Variants in SMCO2 observed in about 807,000 individuals in gnomAD.
SMCO2 encodes single-pass membrane and coiled-coil domain-containing protein 2.
A neutral mutation model predicts 29.5 loss-of-function variants in SMCO2; 25 were observed. The observed-to-expected ratio is 0.85, with a 90% CI of 0.62 to 1.18. The LOEUF (loss-of-function observed/expected upper bound fraction) is 1.18, where lower values mean the gene tolerates loss of function less well. SMCO2 is among the 50% of genes most tolerant of loss of function. The pLI is 0.00. For missense variants in SMCO2, 348 were observed against 344.5 expected (o/e 1.01, Z -0.08); for synonymous variants, 117 against 123.3 (o/e 0.95, Z 0.34).
chr12:27,479,739 C>G (rs1949624493), intron 4 of SMCO2, among the ~76,000 whole-genome samples: 1 of 152,146 alleles, frequency 6.6e-6, no homozygotes, highest in Admixed American at 6.5e-5. Flanking sequence ...AGGGAGTTCC[C>G]CTACACAAGC....
At chr12:27,449,341 G>A in the SMCO2 span, among the ~76,000 whole-genome samples, 72 of 152,274 alleles carry the variant, frequency 4.7e-4, no homozygotes, top group Non-Finnish European at 9.1e-4. Flanking sequence ...GTTTATCTTT[G>A]TAAGGGACAA....
the SMCO2 span, among the ~76,000 whole-genome samples, chr12:27,444,639 A>G: frequency 5.3e-5 from 8 of 152,226 alleles, no homozygotes; most frequent in Non-Finnish European, 8.8e-5. Flanking sequence ...ATGTGATCGT[A>G]TCTGTCACCT....
chr12:27,457,290 T>C, the SMCO2 span, among the ~76,000 whole-genome samples: 1 of 152,206 alleles, frequency 6.6e-6, no homozygotes. Context: ...CTGCTGTCAC[T>C]GTCTTGAAAT....
the SMCO2 span, among the ~76,000 whole-genome samples, chr12:27,427,782 T>C: frequency 6.6e-6 from 1 of 152,096 alleles, no homozygotes; most frequent in South Asian, 2.1e-4. Context: ...ATAGAACCGA[T>C]TTATCAAGAT....
intron 5 of SMCO2, among the ~76,000 whole-genome samples, chr12:27,493,509 G>A (rs1942955340): frequency 6.6e-6 from 1 of 151,592 alleles, no homozygotes; most frequent in African/African-American, 2.4e-5. Flanking sequence ...CTCCAGCCTG[G>A]ATGTCCGAAT....
chr12:27,440,078 G>A, the SMCO2 span, among the ~76,000 whole-genome samples: 1 of 152,110 alleles, frequency 6.6e-6, no homozygotes, highest in Non-Finnish European at 1.5e-5. Context: ...TAAAGACAAA[G>A]TGAAGATCCT....
chr12:27,437,525 T>A, the SMCO2 span, among the ~76,000 whole-genome samples: 1 of 152,198 alleles, frequency 6.6e-6, no homozygotes, highest in South Asian at 2.1e-4. Context: ...AACTCACCTT[T>A]TAAAGGATTT....
intron 4 of SMCO2, among the ~76,000 whole-genome samples, chr12:27,479,583 C>T (rs1354179120): frequency 1.3e-5 from 2 of 152,188 alleles, no homozygotes; most frequent in Non-Finnish European, 2.9e-5. Flanking sequence ...TGTCCCCGCC[C>T]AAATCTCATC....
chr12:27,447,418 G>T, the SMCO2 span, among the ~76,000 whole-genome samples: 151,821 of 152,174 alleles, frequency 1, 75,734 homozygotes, highest in Middle Eastern at 1. Context: ...CTACTAACAG[G>T]GTGATCCATG....
At position 27,491,681 on chromosome 12, in the gene SMCO2, T is replaced by C. The variant is rs116195547; in HGVS notation, c.451-2619T>C. Reference sequence around the variant, plus strand: ...ACATAGGATGTGGTCATTATAAATATATATAATGTATTTTATATATATATA... The same window carrying C: ...ACATAGGATGTGGTCATTATAAATACATATAATGTATTTTATATATATATA... On this transcript the variant is annotated intron_variant, in intron 5 of 7. Coordinates refer to ENST00000298876, the Ensembl canonical transcript of SMCO2. Among the ~76,000 whole-genome samples, 215 of 151,186 alleles carry C rather than the reference T, an allele frequency of 1.4e-3. 2 individuals carry two copies. Among genetic ancestry groups the C allele is most frequent in the African/African-American group, 4.8e-3 (198 of 41,358 alleles).
At chr12:27,474,700 A>G (rs988959872) in intron 3 of SMCO2, 86 bp from the exon 4 acceptor site, 1 of 1,483,406 alleles carries the variant, frequency 6.7e-7, no homozygotes, top group Non-Finnish European at 9.1e-7. Context: ...TGACCCCAGC[A>G]AAGGGGGATT....
intron 7 of SMCO2, among the ~76,000 whole-genome samples, chr12:27,500,675 T>G (rs1242345084): frequency 2.0e-5 from 3 of 150,718 alleles, no homozygotes; most frequent in African/African-American, 7.4e-5. Context: ...AGAACAAATC[T>G]GCCTTTGGTG....
the SMCO2 span, among the ~76,000 whole-genome samples, chr12:27,460,877 A>G: frequency 2.6e-4 from 39 of 152,262 alleles, no homozygotes; most frequent in Middle Eastern, 3.4e-3. Flanking sequence ...CCCAGAAACC[A>G]TGTCCTGACA....
At chr12:27,470,528 G>C (rs1949532418) in intron 1 of SMCO2, 94 bp from the exon 2 acceptor site, 7 of 1,381,902 alleles carry the variant, frequency 5.1e-6, no homozygotes, top group Non-Finnish European at 6.8e-6. Context: ...AAAGCCAAAT[G>C]CCCTGAGGAA....
chr12:27,481,137 G>A (rs1949639325), intron 4 of SMCO2, among the ~76,000 whole-genome samples: 1 of 152,206 alleles, frequency 6.6e-6, no homozygotes, highest in African/African-American at 2.4e-5. Flanking sequence ...TCAGGGATGT[G>A]GAAATGCAGG....
intron 1 of SMCO2, among the ~76,000 whole-genome samples, chr12:27,468,286 G>T (rs947226650): frequency 3.9e-5 from 6 of 152,240 alleles, no homozygotes; most frequent in African/African-American, 1.4e-4. Flanking sequence ...GGGTTGGCAT[G>T]CTTCTTCTGT....
At chr12:27,441,503 T>C in the SMCO2 span, among the ~76,000 whole-genome samples, 1 of 152,070 alleles carries the variant, frequency 6.6e-6, no homozygotes, top group African/African-American at 2.4e-5. Flanking sequence ...CACTATATAA[T>C]GATAAAGGGG....
chr12:27,481,277 A>G (rs373942), intron 4 of SMCO2, among the ~76,000 whole-genome samples: 18,432 of 152,166 alleles, frequency 0.12, 2,165 homozygotes, highest in African/African-American at 0.28. Flanking sequence ...CAGTTATCAC[A>G]TGGACTCCAG....
chr12:27,429,000 A>T, the SMCO2 span, among the ~76,000 whole-genome samples: 1 of 152,142 alleles, frequency 6.6e-6, no homozygotes, highest in African/African-American at 2.4e-5. Context: ...GCTGATGATT[A>T]AATTATTTGG....
Sources: gnomAD v4.1 joint callset for allele counts (sites outside exome capture counted in the v4.1 genomes callset) on GRCh38, gnomAD v4.1.1 for gene constraint, MANE v1.5 for transcripts, NCBI Gene and HGNC (gene_info 2026-07-23, HGNC 2026-07-21) for gene names.